Variants in ADAP1 observed in about 807,000 individuals in gnomAD.
ADAP1 encodes ArfGAP with dual PH domains 1.
Under a neutral mutation model 54.9 loss-of-function variants are expected in ADAP1, and 31 were observed. The observed-to-expected ratio is 0.56, with a 90% CI of 0.42 to 0.76. The LOEUF (loss-of-function observed/expected upper bound fraction) is 0.76, where lower values mean the gene tolerates loss of function less well. Ranked by LOEUF, ADAP1 falls within the 30% of genes least tolerant of loss-of-function variation. The probability of loss-of-function intolerance (pLI) is 0.00; values close to 1 mark genes in which losing one functional copy is unlikely to be tolerated. For synonymous variants in ADAP1, 313 were observed against 202.6 expected (o/e 1.55, Z -4.63); for missense variants, 535 against 512.4 (o/e 1.04, Z -0.42).
chr7:950,806 G>A (rs1278203170), intron 1 of ADAP1, among the ~76,000 whole-genome samples: 2 of 137,572 alleles, frequency 1.5e-5, no homozygotes, highest in Non-Finnish European at 3.0e-5. Context: ...GCAGTGAGCT[G>A]AAATGGCGCC....
chr7:942,117 C>G (rs1401791071), intron 1 of ADAP1, among the ~76,000 whole-genome samples: 1 of 152,218 alleles, frequency 6.6e-6, no homozygotes, highest in Non-Finnish European at 1.5e-5. Flanking sequence ...ACAACCATCC[C>G]TCTCACCATA....
rs141542278 is a variant in ADAP1, at chr7:903,235, C to A, written c.648+891G>T. On this transcript the variant is annotated intron_variant, in intron 6 of 10. Transcript: ENST00000265846. ...GCGTGCTCTGAGGCCAGGGGCTGCA[C>A]CCGACTCGGCCCCCTAACAAACCCA... 2.6e-3 allele frequency among the ~76,000 whole-genome samples: 400 copies of A among 152,254 alleles called. 3 individuals carry two copies. Among genetic ancestry groups the A allele is most frequent in the South Asian group, 0.023 (112 of 4,820 alleles).
chr7:901,831 G>A (rs1272602769), intron 6 of ADAP1, among the ~76,000 whole-genome samples: 2 of 142,506 alleles, frequency 1.4e-5, no homozygotes, highest in East Asian at 4.5e-4. Flanking sequence ...CCTAGAGGAA[G>A]CTGAACCCGT....
rs563628019 is a variant in ADAP1 at position 905,153 on chromosome 7, G to T, written c.408C>A (p.Leu136=). ...PYSAGYREGF[L]WKRGRDNGQF... ...GCCCGTTGTCCCGGCCACGCTTCCA[G>T]AGAAAACCCTCACGGTACCCTGTGG... The change falls in exon 5 of 11, where the codon CTC becomes CTA. Residue 136 remains leucine, a synonymous_variant. Transcript: ENST00000265846. 1 of 1,612,106 alleles carries T rather than the reference G, an allele frequency of 6.2e-7. No individual in the cohort carries two copies.
chr7:946,503 C>G lies in ADAP1; in HGVS notation c.82+7893G>C, dbSNP rs114048238. ...CTCCTGGATCCCTCCCAGCAGCACC[C>G]GGACACAGTCCATTTTCAGAATCCC... On this transcript the variant is annotated intron_variant, in intron 1 of 10. Coordinates refer to ENST00000265846, the MANE Select transcript of ADAP1 (RefSeq NM_006869.4). This position sits in a 1 kb window ranked among gnomAD's most constrained non-coding sequence, Gnocchi z 4.3. 6.6e-6 allele frequency among the ~76,000 whole-genome samples: 1 copy of G among 152,172 alleles called. No homozygotes were observed. The highest frequency in any genetic ancestry group is 1.5e-5 in the Non-Finnish European group (1 of 68,008).
chr7:919,893 G>GAAAGAGATGGGGGAGGGAGGA (rs1250310322), intron 4 of ADAP1, 75 bp downstream of exon 4: 1 of 930,898 alleles, frequency 1.1e-6, no homozygotes, highest in Non-Finnish European at 1.5e-6. Context: ...GGGAGGGAGG[G>GAAAGAGATGGGGGAGGGAGGA]AAAGAGATGG....
At chr7:931,766 G>A (rs1846585860) in intron 2 of ADAP1, among the ~76,000 whole-genome samples, 1 of 111,312 alleles carries the variant, frequency 9.0e-6, no homozygotes, top group Non-Finnish European at 1.9e-5. Context: ...GGAATAGAAA[G>A]TAGGGAGAAA....
rs1364462199 is a variant in ADAP1 at position 898,708 on chromosome 7, G to A, written c.*213C>T. 4 of 632,768 alleles carry A rather than the reference G, an allele frequency of 6.3e-6. No individual in the cohort carries two copies. The highest frequency in any genetic ancestry group is 3.7e-5 in the African/African-American group (2 of 54,330). The allele number at this position is 632,768 out of a possible 1,614,324, so 39.2% of individuals were successfully genotyped here. The stretch of plus-strand genomic sequence containing the variant: ...GGTGTGGTCAGCAGCAGCATGACGG[G>A]GTTAGAGATCAGGCCCAGGGCCTGG... On this transcript the variant is annotated 3_prime_UTR_variant, in exon 11 of 11. Coordinates refer to ENST00000265846, the MANE Select transcript of ADAP1 (RefSeq NM_006869.4).
At position 946,685 on chromosome 7, in the gene ADAP1, G is replaced by A. The variant is rs972877438; in HGVS notation, c.82+7711C>T. ...GCCCACTCTCTGGGGCCCCCACCCC[G>A]CGCCCCTCCAGGCTCTTCAGGGCCC... On this transcript the variant is annotated intron_variant, in intron 1 of 10. Transcript: ENST00000265846. The surrounding 1 kb of genome is among the most constrained non-coding windows in gnomAD (Gnocchi z 4.3). Among the ~76,000 whole-genome samples the A allele has an allele frequency of 1.3e-5, 2 of 151,366 alleles. No individual in the cohort carries two copies. Among genetic ancestry groups the A allele is most frequent in the African/African-American group, 2.4e-5 (1 of 41,174 alleles).
chr7:930,837 C>T (rs919541043), intron 2 of ADAP1, among the ~76,000 whole-genome samples: 2 of 150,114 alleles, frequency 1.3e-5, no homozygotes, highest in Admixed American at 1.3e-4. Flanking sequence ...AGTAGCCAGG[C>T]ACGGTGGTGT....
Position 902,631 on chromosome 7 carries a change from C to G in ADAP1, c.648+1495G>C, listed in dbSNP as rs560459795. ...AGAAAAATGAACCAGTTTAAGAGCA[C>G]CAATAACAGGAGTTTCAGAAAATGA... On this transcript the variant is annotated intron_variant, in intron 6 of 10. Transcript: ENST00000265846. 5.4e-4 allele frequency among the ~76,000 whole-genome samples: 82 copies of G among 151,356 alleles called. 1 individual carries two copies. The highest frequency in any genetic ancestry group is 2.0e-3 in the African/African-American group (81 of 41,126).
intron 1 of ADAP1, among the ~76,000 whole-genome samples, chr7:935,955 G>A (rs973555762): frequency 4.6e-5 from 7 of 152,230 alleles, no homozygotes; most frequent in Admixed American, 1.3e-4. Flanking sequence ...TCTGAGTGCA[G>A]GGGGTGCCTC....
At chr7:914,266 G>A (rs1009762908) in intron 4 of ADAP1, among the ~76,000 whole-genome samples, 2 of 152,338 alleles carry the variant, frequency 1.3e-5, no homozygotes, top group East Asian at 3.9e-4. Flanking sequence ...GGTGTGGCAG[G>A]CCCTTCCCAA....
intron 1 of ADAP1, among the ~76,000 whole-genome samples, chr7:949,991 C>T (rs1480511816): frequency 6.6e-6 from 1 of 152,270 alleles, no homozygotes; most frequent in African/African-American, 2.4e-5. Flanking sequence ...GACATCTGCA[C>T]CCTCGTGCTC....
At chr7:912,850 G>C (rs116446181) in intron 4 of ADAP1, among the ~76,000 whole-genome samples, 2 of 152,078 alleles carry the variant, frequency 1.3e-5, no homozygotes, top group African/African-American at 4.8e-5. Context: ...ATCACGCCAG[G>C]CCTATTTATT....
chr7:916,000 G>A (rs1002139770), intron 4 of ADAP1, among the ~76,000 whole-genome samples: 4 of 152,132 alleles, frequency 2.6e-5, no homozygotes, highest in South Asian at 2.1e-4. Flanking sequence ...CCACCTGCAC[G>A]CACCCCCACT....
chr7:906,732 GGGGACAGAGTACATA>G lies in ADAP1; in HGVS notation c.389-1575_389-1561del, dbSNP rs1845443220. Among the ~76,000 whole-genome samples the G allele has an allele frequency of 8.7e-4, 30 of 34,528 alleles. 1 individual carries two copies. Among genetic ancestry groups the G allele is most frequent in the East Asian group, 7.3e-3 (5 of 682 alleles). 22.7% of individuals were successfully genotyped at this position (34,528 alleles called of 152,430 possible). ...GACGGGACATCGGGGACGGGACATG[GGGGACAGAGTACATA>G]GGGGACATGGACAGGGGACATGGGG... On this transcript the variant is annotated intron_variant, in intron 4 of 10. Coordinates refer to ENST00000265846, the MANE Select transcript of ADAP1 (RefSeq NM_006869.4).
In ADAP1 at chr7:903,296, C is replaced by T. The variant is rs1185554395; in HGVS notation, c.648+830G>A. Among the ~76,000 whole-genome samples the T allele has an allele frequency of 8.5e-5, 13 of 152,164 alleles. 1 individual carries two copies. Among genetic ancestry groups the T allele is most frequent in the Middle Eastern group, 6.8e-3 (2 of 294 alleles). On this transcript the variant is annotated intron_variant, in intron 6 of 10. Coordinates refer to ENST00000265846, the MANE Select transcript of ADAP1 (RefSeq NM_006869.4). ...CCAGCGGAGCACGGCAGGCAGGGGA[C>T]GGGCACGTGGGAGGGGATGGAAAGA... is the stretch of plus-strand genomic sequence containing the variant.
chr7:931,571 G>C (rs181865228), intron 2 of ADAP1, among the ~76,000 whole-genome samples: 2 of 152,116 alleles, frequency 1.3e-5, no homozygotes, highest in African/African-American at 4.8e-5. Flanking sequence ...TGGGCTGGGC[G>C]GGGGTAAGAG....
Sources: allele counts gnomAD v4.1 joint callset (sites outside exome capture counted in the v4.1 genomes callset), GRCh38; gene constraint gnomAD v4.1.1; non-coding constraint Gnocchi (gnomAD v3.1); transcripts MANE v1.5; gene names NCBI Gene and HGNC (gene_info 2026-07-23, HGNC 2026-07-21).